The following ZNF143 variants were observed in gnomAD, a reference collection of about 807,000 sequenced individuals.
The protein encoded by ZNF143 is SPH-binding factor.
Under a neutral mutation model 74.1 loss-of-function variants are expected in ZNF143, and 49 were observed. That is an observed-to-expected ratio of 0.66 (90% CI 0.53 to 0.84). The LOEUF (loss-of-function observed/expected upper bound fraction) is 0.84. ZNF143 is among the 40% of genes least tolerant of loss of function. The pLI, the probability that ZNF143 is intolerant of heterozygous loss-of-function variation, is 0.00. For synonymous variants in ZNF143, 304 were observed against 282.8 expected (o/e 1.07, Z -0.75); for missense variants, 637 against 793.4 (o/e 0.80, Z 2.37).
At chr11:9,476,493 C>T (rs1038265359) in intron 5 of ZNF143, among the ~76,000 whole-genome samples, 6 of 151,854 alleles carry the variant, frequency 4.0e-5, no homozygotes, top group African/African-American at 1.5e-4. Flanking sequence ...CTGCCTCAGC[C>T]TCCCAAGTAG....
intron 7 of ZNF143, among the ~76,000 whole-genome samples, chr11:9,494,185 C>T (rs1299757051): frequency 6.6e-6 from 1 of 152,172 alleles, no homozygotes; most frequent in Non-Finnish European, 1.5e-5. Context: ...TGGAATTAAC[C>T]TGACCGACTC....
chr11:9,526,127 A>C (rs1849118299), intron 15 of ZNF143, among the ~76,000 whole-genome samples: 1 of 152,078 alleles, frequency 6.6e-6, no homozygotes, highest in South Asian at 2.1e-4. Flanking sequence ...CCTGGGTAAC[A>C]AATGAGACCC....
intron 7 of ZNF143, among the ~76,000 whole-genome samples, chr11:9,479,960 A>T (rs1847172833): frequency 6.6e-6 from 1 of 152,176 alleles, no homozygotes; most frequent in Non-Finnish European, 1.5e-5. Context: ...TTCTTCTTCC[A>T]GCTGATTCCC....
rs576589133 is a variant in ZNF143, at chr11:9,494,932, G to A, written c.765+167G>A. ...CATGTAAAAACCTATGCGGACTTTA[G>A]AGACTGTTAATTTTTTGAGGGCTTG... On this transcript the variant is annotated intron_variant, in intron 8 of 15. Transcript: ENST00000396602. Among the ~76,000 whole-genome samples the A allele has an allele frequency of 8.5e-5, 13 of 152,296 alleles. 1 individual carries two copies. The highest frequency in any genetic ancestry group is 3.1e-4 in the African/African-American group (13 of 41,566).
chr11:9,464,778 C>G (rs1289819920), intron 1 of ZNF143, among the ~76,000 whole-genome samples: 1 of 151,940 alleles, frequency 6.6e-6, no homozygotes, highest in African/African-American at 2.4e-5. Context: ...AAAAAATTAG[C>G]TGGGCATGGT....
intron 1 of ZNF143, 63 bp downstream of exon 1, chr11:9,461,139 CGCGGCGGCGCG>C (rs1855792741): frequency 2.1e-6 from 2 of 952,122 alleles, no homozygotes; most frequent in African/African-American, 3.5e-5. Flanking sequence ...CCGCCCTCAG[CGCGGCGGCGCG>C]GGCCCGCTTG....
intron 1 of ZNF143, among the ~76,000 whole-genome samples, chr11:9,469,238 T>TA (rs1554960732): frequency 3.9e-4 from 33 of 84,790 alleles, no homozygotes; most frequent in Middle Eastern, 5.8e-3. Context: ...TTTTTTTTTT[T>TA]ACCACCCCCC....
At chr11:9,468,047 C>T (rs1352934907) in intron 1 of ZNF143, among the ~76,000 whole-genome samples, 12 of 152,064 alleles carry the variant, frequency 7.9e-5, no homozygotes, top group Admixed American at 7.9e-4. Context: ...TTTAACAGAG[C>T]AGCATCAGAA....
chr11:9,468,602 T>A (rs1324157364), intron 1 of ZNF143, among the ~76,000 whole-genome samples: 1 of 152,214 alleles, frequency 6.6e-6, no homozygotes, highest in African/African-American at 2.4e-5. Context: ...GAGAACTCTA[T>A]CTCATTTGCT....
intron 7 of ZNF143, among the ~76,000 whole-genome samples, chr11:9,491,509 G>A (rs923138528): frequency 7.2e-5 from 11 of 151,776 alleles, no homozygotes; most frequent in Non-Finnish European, 1.0e-4. Flanking sequence ...CATGGTGGCG[G>A]GCGCCTCTAG....
chr11:9,467,822 C>T (rs1419023921), intron 1 of ZNF143, among the ~76,000 whole-genome samples: 4 of 132,258 alleles, frequency 3.0e-5, no homozygotes, highest in East Asian at 2.2e-4. Context: ...CTGGCCTGGG[C>T]GACAAGAGTG....
At chr11:9,478,193 A>G (rs1167663733) in intron 5 of ZNF143, among the ~76,000 whole-genome samples, 197 bp from the exon 6 acceptor site, 1 of 152,182 alleles carries the variant, frequency 6.6e-6, no homozygotes, top group Non-Finnish European at 1.5e-5. Context: ...CTGAGTTCCC[A>G]TTTATACAAT....
Position 9,461,066 on chromosome 11 carries a change from T to A in ZNF143, c.-18T>A. On this transcript the variant is annotated 5_prime_UTR_variant, in exon 1 of 16. Transcript: ENST00000396602. ...GTCGGACGAAGGAATTGTTGGAAAATTTTCTCGGAGGTTCGTATATAAATG... is the reference window on the plus strand; with the variant it reads ...GTCGGACGAAGGAATTGTTGGAAAAATTTCTCGGAGGTTCGTATATAAATG... The A allele has an allele frequency of 3.0e-6, 3 of 985,718 alleles. No homozygotes were observed. Among genetic ancestry groups the A allele is most frequent in the Admixed American group, 6.2e-5 (1 of 16,248 alleles). 61.1% of individuals were successfully genotyped at this position (985,718 alleles called of 1,614,324 possible).
intron 14 of ZNF143, among the ~76,000 whole-genome samples, chr11:9,519,993 C>T (rs1848855021): frequency 6.7e-6 from 1 of 150,272 alleles, no homozygotes; most frequent in Admixed American, 6.6e-5. Context: ...TAAAACCAAC[C>T]TGGGCAATGT....
chr11:9,478,529 T>G lies in ZNF143; in HGVS notation c.513T>G (p.Thr171=). The change falls in exon 6 of 16, where the codon ACT becomes ACG. Residue 171 remains threonine (T), a synonymous_variant. Transcript: ENST00000396602. ...QADGTVAGLH[T]GDATIDPDTI... is the part of the protein sequence containing the mutation. ...ATGGGACAGTGGCAGGTCTGCACAC[T>G]GGGGATGCTACAATTGACCCTGACA... 1 of 1,614,166 alleles carries G rather than the reference T, an allele frequency of 6.2e-7. No individual in the cohort carries two copies. The highest frequency in any genetic ancestry group is 1.1e-5 in the South Asian group (1 of 91,088).
chr11:9,476,925 A>G (rs1373221003), intron 5 of ZNF143, among the ~76,000 whole-genome samples: 3 of 149,920 alleles, frequency 2.0e-5, no homozygotes, highest in African/African-American at 7.4e-5. Context: ...ATGCCCGGCT[A>G]ATTTTTTGTA....
intron 7 of ZNF143, among the ~76,000 whole-genome samples, chr11:9,493,030 A>G (rs1847836378): frequency 1.3e-5 from 2 of 151,628 alleles, no homozygotes; most frequent in East Asian, 3.9e-4. Context: ...TTTTCAGTCT[A>G]TAATAAACAT....
At chr11:9,466,387 C>A (rs1856215855) in intron 1 of ZNF143, among the ~76,000 whole-genome samples, 1 of 151,770 alleles carries the variant, frequency 6.6e-6, no homozygotes, top group Admixed American at 6.6e-5. Context: ...CCTACGTCTC[C>A]CGGATTCAAG....
chr11:9,482,654 TTC>T (rs1328110049), intron 7 of ZNF143, among the ~76,000 whole-genome samples: 3 of 16,568 alleles, frequency 1.8e-4, no homozygotes, highest in African/African-American at 7.8e-4. Flanking sequence ...CTGAATGGGA[TTC>T]TTTTTTTTTT....
Sources: allele counts gnomAD v4.1 joint callset (sites outside exome capture counted in the v4.1 genomes callset), GRCh38; gene constraint gnomAD v4.1.1; transcripts MANE v1.5; gene names NCBI Gene and HGNC (gene_info 2026-07-23, HGNC 2026-07-21).